EXT2: variants seen among roughly 807,000 people sequenced by gnomAD.
EXT2 encodes exostosin-2.
A neutral mutation model predicts 81.6 loss-of-function variants in EXT2; 53 were observed. The ratio of observed to expected loss-of-function variants is 0.65; its 90% CI spans 0.52 to 0.82. EXT2 has a LOEUF of 0.82. EXT2 is among the 40% of genes least tolerant of loss of function. EXT2 has a pLI of 0.00. For synonymous variants in EXT2, 320 were observed against 340.0 expected (o/e 0.94, Z 0.65); for missense variants, 774 against 910.2 (o/e 0.85, Z 1.93).
chr11:44,097,508 G>C (rs1953915365), intron 1 of EXT2, among the ~76,000 whole-genome samples: 1 of 152,122 alleles, frequency 6.6e-6, no homozygotes, highest in Admixed American at 6.5e-5. Context: ...GTTAAGAAGA[G>C]GCCAGGCGCG....
In EXT2 at chr11:44,171,680, A is replaced by C; in HGVS notation, c.1243A>C (p.Asn415His). The C allele has an allele frequency of 6.2e-7, 1 of 1,614,100 alleles. No homozygotes were observed. Among genetic ancestry groups the C allele is most frequent in the Non-Finnish European group, 8.5e-7 (1 of 1,179,978 alleles). The change falls in exon 8 of 14, where the codon AAT becomes CAT. Residue 415 changes from asparagine (N) to histidine (H), a missense_variant. Transcript: ENST00000533608. ...TGCCCTGGCCACCCTGCAGATTATC[A>C]ATGACCGGATCTATCCATATGCTGC... is the stretch of plus-strand genomic sequence containing the variant. ...AIALATLQII[N>H]DRIYPYAAIS...
rs759316760 is a variant in EXT2 at position 44,206,864 on chromosome 11, T to G, written c.1567T>G (p.Phe523Val). ...RTAENKLSNR[F>V]FPYDEIETEA... The stretch of plus-strand genomic sequence containing the variant: ...TGCTGAAAACAAGTTAAGTAACCGT[T>G]TCTTCCCTTATGATGAAATCGAGAC... The change falls in exon 10 of 14, where the codon TTC (phenylalanine) becomes GTC (valine). Residue 523 changes from phenylalanine (F) to valine (V), a missense_variant. Phe to Val is a conservative substitution (Grantham distance 50). Coordinates refer to ENST00000533608, the MANE Select transcript of EXT2 (RefSeq NM_207122.2). 6.2e-7 allele frequency: 1 copy of G among 1,614,152 alleles called. No individual in the cohort carries two copies. Among genetic ancestry groups the G allele is most frequent in the Non-Finnish European group, 8.5e-7 (1 of 1,180,016 alleles).
intron 13 of EXT2, among the ~76,000 whole-genome samples, chr11:44,242,132 G>A (rs1369331799): frequency 1.3e-5 from 2 of 152,186 alleles, no homozygotes; most frequent in African/African-American, 2.4e-5. Flanking sequence ...CCAAGAACCA[G>A]GATTCTTCTT....
intron 7 of EXT2, among the ~76,000 whole-genome samples, chr11:44,130,886 C>G (rs1954483432): frequency 6.6e-6 from 1 of 152,230 alleles, no homozygotes; most frequent in South Asian, 2.1e-4. Flanking sequence ...GCGTAAGTGT[C>G]CCATGCCACC....
chr11:44,193,937 C>T (rs2135176305), intron 8 of EXT2, among the ~76,000 whole-genome samples: 1 of 152,338 alleles, frequency 6.6e-6, no homozygotes, highest in African/African-American at 2.4e-5. Context: ...TACCGATTCA[C>T]TTCCCAAGTG....
chr11:44,122,764 A>G (rs1360966498), intron 4 of EXT2, among the ~76,000 whole-genome samples: 1 of 152,198 alleles, frequency 6.6e-6, no homozygotes, highest in Admixed American at 6.5e-5. Flanking sequence ...GCGTAGCTCC[A>G]TTAAGTAGAA....
chr11:44,122,443 G>A (rs1161439663), intron 4 of EXT2, among the ~76,000 whole-genome samples: 3 of 152,126 alleles, frequency 2.0e-5, no homozygotes, highest in Non-Finnish European at 2.9e-5. Flanking sequence ...TGAACTGCGG[G>A]TGCTCCCTGT....
rs115174070 is a variant in EXT2, at chr11:44,249,051, T to C, written c.*4764T>C. Among the ~76,000 whole-genome samples, 948 of 152,226 alleles carry C rather than the reference T, an allele frequency of 6.2e-3. 21 individuals carry two copies. The highest frequency in any genetic ancestry group is 0.022 in the African/African-American group (899 of 41,540). ...TCACTCTGTCCCATAGGCTGGAGTG[T>C]AGTGCTGTGATCATGGCTCGCTGCA... On this transcript the variant is annotated 3_prime_UTR_variant, in exon 14 of 14. Coordinates refer to ENST00000533608, the MANE Select transcript of EXT2 (RefSeq NM_207122.2).
chr11:44,215,613 C>G (rs1298030956), intron 10 of EXT2, among the ~76,000 whole-genome samples: 1 of 152,182 alleles, frequency 6.6e-6, no homozygotes, highest in East Asian at 1.9e-4. Context: ...GTCTAGCTAC[C>G]TCAGCACCTT....
At chr11:44,103,758 T>G (rs1180377527) in intron 1 of EXT2, 3 of 355,018 alleles carry the variant, frequency 8.5e-6, no homozygotes, top group Admixed American at 4.7e-5. Flanking sequence ...AAGTATATTT[T>G]AAAATAATTT....
chr11:44,214,392 G>A (rs1024509337), intron 10 of EXT2, among the ~76,000 whole-genome samples: 10 of 152,156 alleles, frequency 6.6e-5, no homozygotes, highest in Admixed American at 2.6e-4. Flanking sequence ...GGGACTACAA[G>A]CGTGAGCCAC....
intron 11 of EXT2, among the ~76,000 whole-genome samples, chr11:44,233,806 A>C (rs1431088592): frequency 6.6e-6 from 1 of 152,208 alleles, no homozygotes; most frequent in Admixed American, 6.5e-5. Context: ...GTAGTAGACT[A>C]TGTATGCTTT....
At chr11:44,165,435 T>A (rs1427487560) in intron 7 of EXT2, among the ~76,000 whole-genome samples, 1 of 152,222 alleles carries the variant, frequency 6.6e-6, no homozygotes, top group Admixed American at 6.5e-5. Context: ...AGTTCACTTA[T>A]CCCCAGGCTG....
intron 8 of EXT2, among the ~76,000 whole-genome samples, chr11:44,176,081 C>T (rs754583996): frequency 6.6e-6 from 1 of 152,142 alleles, no homozygotes; most frequent in Non-Finnish European, 1.5e-5. Flanking sequence ...AATGTTACTA[C>T]TGTTCCAAGC....
chr11:44,144,710 A>G (rs1037970392), intron 7 of EXT2, among the ~76,000 whole-genome samples: 2 of 152,210 alleles, frequency 1.3e-5, no homozygotes, highest in African/African-American at 4.8e-5. Context: ...AACATGACTC[A>G]GGCTTCCCCT....
At position 44,130,099 on chromosome 11, in the gene EXT2, G is replaced by A. The variant is rs1484672018; in HGVS notation, c.1134G>A (p.Gln378=). 2 of 1,614,156 alleles carry A rather than the reference G, an allele frequency of 1.2e-6. No individual in the cohort carries two copies. The highest frequency in any genetic ancestry group is 2.2e-5 in the East Asian group (1 of 44,880). ...EKMSDVYSIL[Q]SIPQRQIEEM... is the part of the protein sequence containing the mutation. Reference sequence around the variant, plus strand: ...TGTCAGATGTGTACAGTATTTTGCAGAGCATCCCCCAAAGACAGATTGAAG... The same window carrying A: ...TGTCAGATGTGTACAGTATTTTGCAAAGCATCCCCCAAAGACAGATTGAAG... Residue 378 remains glutamine (Q), a synonymous_variant, in exon 7 of 14, where the codon CAG becomes CAA. Coordinates refer to ENST00000533608, the MANE Select transcript of EXT2 (RefSeq NM_207122.2).
chr11:44,250,899 G>A lies in EXT2; in HGVS notation c.*6612G>A, dbSNP rs1320976206. On this transcript the variant is annotated 3_prime_UTR_variant, in exon 14 of 14. Coordinates refer to ENST00000533608, the MANE Select transcript of EXT2 (RefSeq NM_207122.2). ...GAAGTAAAGTTATGTTTCTCATTAA[G>A]GGGATAACAGCCACAATTGAGGTAA... 6.6e-6 allele frequency among the ~76,000 whole-genome samples: 1 copy of A among 152,186 alleles called. No homozygotes were observed. Among genetic ancestry groups the A allele is most frequent in the East Asian group, 1.9e-4 (1 of 5,194 alleles).
chr11:44,246,051 A>G lies in EXT2; in HGVS notation c.*1764A>G, dbSNP rs1308607820. ...TGGTCAGTAGGAGACATGGGAAAGC[A>G]TTTTGGTCTCATGTATTCATAATAT... On this transcript the variant is annotated 3_prime_UTR_variant, in exon 14 of 14. Coordinates refer to ENST00000533608, the MANE Select transcript of EXT2 (RefSeq NM_207122.2). 6.6e-6 allele frequency among the ~76,000 whole-genome samples: 1 copy of G among 152,210 alleles called. No individual in the cohort carries two copies. Among genetic ancestry groups the G allele is most frequent in the Non-Finnish European group, 1.5e-5 (1 of 68,040 alleles).
At chr11:44,237,319 TATA>T (rs1448642704) in intron 13 of EXT2, among the ~76,000 whole-genome samples, 12 of 152,188 alleles carry the variant, frequency 7.9e-5, no homozygotes, top group African/African-American at 2.9e-4. Flanking sequence ...GCCTGGCTTC[TATA>T]ATGTTTTACT....
Sources: allele counts gnomAD v4.1 joint callset (sites outside exome capture counted in the v4.1 genomes callset), GRCh38; gene constraint gnomAD v4.1.1; transcripts MANE v1.5; gene names NCBI Gene and HGNC (gene_info 2026-07-23, HGNC 2026-07-21).